Variants in FYB1 observed in about 807,000 individuals in gnomAD.
FYB1 encodes FYN binding protein 1, also known as FYN-binding protein 1.
FYB1 carries 41 observed loss-of-function variants against 94.1 expected under a neutral mutation model. That is an observed-to-expected ratio of 0.44 (90% CI 0.34 to 0.57). The LOEUF (loss-of-function observed/expected upper bound fraction) is 0.57, where lower values mean the gene tolerates loss of function less well. Ranked by LOEUF, FYB1 falls within the 20% of genes least tolerant of loss-of-function variation. The pLI is 0.02. For missense variants in FYB1, 1,050 were observed against 976.8 expected (o/e 1.07, Z -1.00); for synonymous variants, 367 against 353.2 (o/e 1.04, Z -0.44).
In FYB1 at chr5:39,134,861, C is replaced by T. The variant is rs1433662166; in HGVS notation, c.1669G>A (p.Gly557Ser). The T allele has an allele frequency of 2.5e-6, 4 of 1,613,648 alleles. No individual in the cohort carries two copies. Among genetic ancestry groups the T allele is most frequent in the Non-Finnish European group, 3.4e-6 (4 of 1,179,838 alleles). Residue 557 changes from glycine to serine, a missense_variant, in exon 8 of 19, where the codon GGT becomes AGT. Transcript: ENST00000512982. Reference protein sequence around the residue: ...EGKWLGRTARGSYGYIKTTAV... With the variant: ...EGKWLGRTARSSYGYIKTTAV... Reference sequence around the variant, plus strand: ...TAGAGAAATTTGCACTCACATGAACCCCTTGCTGTTCTGCCCAACCATTTT... The same window carrying T: ...TAGAGAAATTTGCACTCACATGAACTCCTTGCTGTTCTGCCCAACCATTTT...
At chr5:39,143,978 G>A (rs1013120770) in intron 3 of FYB1, among the ~76,000 whole-genome samples, 3 of 151,972 alleles carry the variant, frequency 2.0e-5, no homozygotes, top group Admixed American at 1.3e-4. Flanking sequence ...TTTCATCCTT[G>A]GAACATTCAG....
At chr5:39,134,715 C>A in intron 8 of FYB1, 140 bp downstream of exon 8, 1 of 783,856 alleles carries the variant, frequency 1.3e-6, no homozygotes, top group Non-Finnish European at 2.0e-6. Context: ...ACTATACCTG[C>A]CATTTAACAT....
At chr5:39,209,260 T>C (rs1444400880) in intron 1 of FYB1, among the ~76,000 whole-genome samples, 1 of 152,152 alleles carries the variant, frequency 6.6e-6, no homozygotes, top group East Asian at 1.9e-4. Context: ...GCATCGTAGA[T>C]AACAAGCTCC....
chr5:39,150,309 A>C (rs1298752699), intron 3 of FYB1, among the ~76,000 whole-genome samples: 1 of 152,042 alleles, frequency 6.6e-6, no homozygotes, highest in Non-Finnish European at 1.5e-5. Flanking sequence ...GACTGACCTG[A>C]AGTACCTGAT....
chr5:39,164,140 A>T (rs1437602662), intron 2 of FYB1, among the ~76,000 whole-genome samples: 1 of 151,356 alleles, frequency 6.6e-6, no homozygotes, highest in Non-Finnish European at 1.5e-5. Flanking sequence ...AACAGAGGAG[A>T]AATAAAGCAT....
At chr5:39,154,422 A>G (rs1379232598) in intron 2 of FYB1, among the ~76,000 whole-genome samples, 3 of 151,482 alleles carry the variant, frequency 2.0e-5, no homozygotes, top group Non-Finnish European at 4.4e-5. Context: ...GGAAAAGAGG[A>G]TATCTTGACA....
At position 39,122,414 on chromosome 5, in the gene FYB1, C is replaced by T; in HGVS notation, c.2072-12G>A. The T allele has an allele frequency of 6.6e-7, 1 of 1,523,930 alleles. No individual in the cohort carries two copies. The highest frequency in any genetic ancestry group is 1.4e-5 in the African/African-American group (1 of 73,386). 94.4% of individuals were successfully genotyped at this position (1,523,930 alleles called of 1,614,324 possible). A position where few individuals can be genotyped will look rare whatever the true frequency, so the allele number is the denominator to read the frequency against. On this transcript the variant is annotated splice_polypyrimidine_tract_variant and intron_variant, in intron 13 of 18. Transcript: ENST00000512982. ...TTCATCTCCCATGTCTAACAAAAGACAGAATATCAAAGGTTGAAACACTGT... is the reference window on the plus strand; with the variant it reads ...TTCATCTCCCATGTCTAACAAAAGATAGAATATCAAAGGTTGAAACACTGT...
chr5:39,135,129 T>C lies in FYB1; in HGVS notation c.1516-115A>G, dbSNP rs1209333495. 41 of 1,117,786 alleles carry C rather than the reference T, an allele frequency of 3.7e-5. No homozygotes were observed. The Middle Eastern group carries it at 7.0e-4, about 19-fold the overall frequency. The allele number at this position is 1,117,786 out of a possible 1,614,324, so 69.2% of individuals were successfully genotyped here. A position where few individuals can be genotyped will look rare whatever the true frequency, so the allele number is the denominator to read the frequency against. ...CTTGCTAAGCTACCTATAACCAACA[T>C]TTACAGGGTTTAACCAGAAATTGAG... On this transcript the variant is annotated intron_variant, in intron 7 of 18. Transcript: ENST00000512982.
chr5:39,212,344 G>A (rs1005954257), intron 1 of FYB1, among the ~76,000 whole-genome samples: 1 of 151,996 alleles, frequency 6.6e-6, no homozygotes, highest in Non-Finnish European at 1.5e-5. Context: ...AAAGGCATGT[G>A]GCAGCTTCTA....
chr5:39,222,075 G>A (rs11952477), upstream of FYB1, among the ~76,000 whole-genome samples: 11,334 of 151,456 alleles, frequency 0.075, 1,196 homozygotes, highest in African/African-American at 0.22. Context: ...CCAAAAGCAA[G>A]CAACACGCCC....
At chr5:39,146,520 A>T (rs1386986760) in intron 3 of FYB1, among the ~76,000 whole-genome samples, 1 of 152,204 alleles carries the variant, frequency 6.6e-6, no homozygotes, top group East Asian at 1.9e-4. Context: ...ATGAATTAAC[A>T]ATATTCCAGT....
rs1760351135 is a variant in FYB1 at position 39,105,935 on chromosome 5, A to G, written c.*1508T>C. 1.3e-5 allele frequency: 2 copies of G among 152,170 alleles called. No homozygotes were observed. The allele number at this position is 152,170 out of a possible 1,614,324, so 9.4% of individuals were successfully genotyped here. A position where few individuals can be genotyped will look rare whatever the true frequency, so the allele number is the denominator to read the frequency against. On this transcript the variant is annotated 3_prime_UTR_variant, in exon 19 of 19. Coordinates refer to ENST00000512982, the MANE Select transcript of FYB1 (RefSeq NM_001465.6). ...TTGTTATCAAATTTCAAAGCACCTA[A>G]TGGAAACCCCACTTCATCTCTGTGA...
chr5:39,151,186 A>G (rs934792900), intron 3 of FYB1, among the ~76,000 whole-genome samples: 1 of 152,130 alleles, frequency 6.6e-6, no homozygotes, highest in Non-Finnish European at 1.5e-5. Context: ...GCTGTCCCCA[A>G]TGCCACCCTC....
intron 1 of FYB1, among the ~76,000 whole-genome samples, chr5:39,206,445 A>G (rs1748865260): frequency 6.6e-6 from 1 of 152,362 alleles, no homozygotes; most frequent in Admixed American, 6.5e-5. Flanking sequence ...TTTAAAATGG[A>G]CATTCTCTCA....
chr5:39,261,301 G>C (rs57606827), intron 1 of FYB1, among the ~76,000 whole-genome samples: 1 of 83,482 alleles, frequency 1.2e-5, no homozygotes, highest in South Asian at 4.5e-4. Flanking sequence ...ACTTAAAGTA[G>C]AATTAAAAAA....
chr5:39,234,805 C>A (rs1750888984), intron 1 of FYB1, among the ~76,000 whole-genome samples: 1 of 152,190 alleles, frequency 6.6e-6, no homozygotes, highest in Non-Finnish European at 1.5e-5. Flanking sequence ...AAACCAAACA[C>A]CACATGTTCT....
chr5:39,210,194 A>G (rs1230896325), intron 1 of FYB1, among the ~76,000 whole-genome samples: 1 of 152,128 alleles, frequency 6.6e-6, no homozygotes, highest in African/African-American at 2.4e-5. Context: ...GAACTGCAAC[A>G]ACCCCAGCGA....
chr5:39,214,692 C>T (rs1188169602), intron 1 of FYB1, among the ~76,000 whole-genome samples: 7 of 152,144 alleles, frequency 4.6e-5, no homozygotes, highest in African/African-American at 7.2e-5. Flanking sequence ...TTTTGGGATG[C>T]CAAGGCAGGC....
chr5:39,245,804 C>T (rs1451897486), intron 1 of FYB1, among the ~76,000 whole-genome samples: 2 of 151,998 alleles, frequency 1.3e-5, no homozygotes, highest in Non-Finnish European at 2.9e-5. Context: ...TTCGCCATGT[C>T]GGCCAGGCTG....
Sources: gnomAD v4.1 joint callset for allele counts (sites outside exome capture counted in the v4.1 genomes callset) on GRCh38, gnomAD v4.1.1 for gene constraint, MANE v1.5 for transcripts, NCBI Gene and HGNC (gene_info 2026-07-23, HGNC 2026-07-21) for gene names.